The following UBR3 variants were observed in gnomAD, a reference collection of about 807,000 sequenced individuals.
UBR3 encodes E3 ubiquitin-protein ligase UBR3.
In UBR3, 85 loss-of-function variants were observed where a neutral mutation model predicts 243.2. That is an observed-to-expected ratio of 0.35 (90% confidence interval 0.29 to 0.42). The LOEUF is 0.42. UBR3 is among the 10% of genes least tolerant of loss of function. The pLI, the probability that UBR3 is intolerant of heterozygous loss-of-function variation, is 1.00. For synonymous variants in UBR3, 748 were observed against 799.8 expected (o/e 0.94, Z 1.09); for missense variants, 1,686 against 2,300.8 (o/e 0.73, Z 5.47).
At chr2:169,937,401 A>G (rs2086381806) in intron 19 of UBR3, among the ~76,000 whole-genome samples, 1 of 152,106 alleles carries the variant, frequency 6.6e-6, no homozygotes, top group Admixed American at 6.5e-5. Flanking sequence ...TAGATTCTGG[A>G]TATTAGCCCT....
intron 17 of UBR3, 142 bp downstream of exon 17, chr2:169,927,547 C>CTCAA: frequency 1.7e-6 from 1 of 597,452 alleles, no homozygotes; most frequent in South Asian, 2.9e-5. Context: ...CAGTTGTGTG[C>CTCAA]TCAAGTATGT....
chr2:170,072,792 C>G (rs925808894), intron 35 of UBR3, among the ~76,000 whole-genome samples: 2 of 151,860 alleles, frequency 1.3e-5, no homozygotes, highest in Non-Finnish European at 2.9e-5. Context: ...TGTGGTCTTT[C>G]GGTTAAATAA....
chr2:170,014,018 TG>T (rs764385561), intron 29 of UBR3: 1 of 449,248 alleles, frequency 2.2e-6, no homozygotes, highest in Admixed American at 2.4e-5. Context: ...GCCTGAAGGG[TG>T]GAAAATTCCC....
chr2:170,030,127 C>G (rs887178416), intron 31 of UBR3, among the ~76,000 whole-genome samples: 1 of 152,002 alleles, frequency 6.6e-6, no homozygotes, highest in African/African-American at 2.4e-5. Flanking sequence ...TTCAATCTTT[C>G]CTCTTTTTGA....
intron 24 of UBR3, among the ~76,000 whole-genome samples, chr2:169,973,884 T>C (rs2088293969): frequency 2.0e-5 from 3 of 152,210 alleles, no homozygotes; most frequent in Admixed American, 1.3e-4. Context: ...TATACCTAGT[T>C]TGTTGAGGGT....
At position 169,827,581 on chromosome 2, in the gene UBR3, C is replaced by T; in HGVS notation, c.74C>T (p.Ala25Val). ...CCCGAGCTGCCCGCGCCGGGGCTGG[C>T]CCTAGACAAGGCGGCCACCGCCGCG... The part of the protein sequence containing the change: ...SQPELPAPGL[A>V]LDKAATAAHL... Residue 25 changes from alanine (A) to valine (V), a missense_variant, in exon 1 of 39, where the codon GCC becomes GTC. Around this residue, in one of 8 missense-constraint regions of UBR3, gnomAD observed 79 missense variants for 73.2 expected, o/e 1.08. Coordinates refer to ENST00000272793, the MANE Select transcript of UBR3 (RefSeq NM_172070.4). 2 of 1,251,634 alleles carry T rather than the reference C, an allele frequency of 1.6e-6. No homozygotes were observed. The highest frequency in any genetic ancestry group is 2.0e-6 in the Non-Finnish European group (2 of 1,001,346). 77.5% of individuals were successfully genotyped at this position (1,251,634 alleles called of 1,614,324 possible). A position where few individuals can be genotyped will look rare whatever the true frequency, so the allele number is the denominator to read the frequency against.
chr2:170,020,816 CTCT>C (rs1385183249), intron 30 of UBR3, among the ~76,000 whole-genome samples: 112 of 152,152 alleles, frequency 7.4e-4, no homozygotes, highest in Non-Finnish European at 4.1e-4. Flanking sequence ...TTTTATTTTG[CTCT>C]TCATTTTAAA....
At chr2:170,006,852 T>G in intron 27 of UBR3, 138 bp from the exon 28 acceptor site, 1 of 718,754 alleles carries the variant, frequency 1.4e-6, no homozygotes, top group Non-Finnish European at 2.2e-6. Flanking sequence ...AAATGAAGGA[T>G]TTTGTTTATT....
chr2:169,975,629 T>C lies in UBR3; in HGVS notation c.3635-11016T>C, dbSNP rs377417207. 2.3e-4 allele frequency among the ~76,000 whole-genome samples: 35 copies of C among 152,298 alleles called. No homozygotes were observed. The South Asian group carries it at 7.2e-3, about 32-fold the overall frequency. On this transcript the variant is annotated intron_variant, in intron 24 of 38. Coordinates refer to ENST00000272793, the MANE Select transcript of UBR3 (RefSeq NM_172070.4). Reference sequence around the variant, plus strand: ...CTTTGTGTATTTGGGTGCTCTGGCATTGAGTGCATATGTATTTAGAATTGT... The same window carrying C: ...CTTTGTGTATTTGGGTGCTCTGGCACTGAGTGCATATGTATTTAGAATTGT...
intron 35 of UBR3, among the ~76,000 whole-genome samples, chr2:170,064,786 G>A (rs1017395966): frequency 9.2e-5 from 13 of 140,952 alleles, no homozygotes; most frequent in East Asian, 2.0e-4. Context: ...TATTCTTGAC[G>A]TCTTTTTGCT....
intron 1 of UBR3, among the ~76,000 whole-genome samples, chr2:169,843,404 G>A (rs1298451622): frequency 1.1e-4 from 17 of 152,124 alleles, no homozygotes; most frequent in Non-Finnish European, 2.9e-5. Flanking sequence ...AAGCAAAAGG[G>A]GCCTGAGCTA....
chr2:170,011,990 A>C (rs2090098213), intron 29 of UBR3, among the ~76,000 whole-genome samples: 1 of 152,132 alleles, frequency 6.6e-6, no homozygotes, highest in South Asian at 2.1e-4. Context: ...GTCTAGAGAT[A>C]CTGGTGAGTA....
chr2:169,876,051 G>T, intron 3 of UBR3, 102 bp downstream of exon 3: 4 of 924,146 alleles, frequency 4.3e-6, no homozygotes, highest in Non-Finnish European at 4.4e-6. Flanking sequence ...AATTTTCATA[G>T]AATGCTAAAG....
At chr2:169,897,107 C>G (rs1173023830) in intron 8 of UBR3, among the ~76,000 whole-genome samples, 1 of 152,016 alleles carries the variant, frequency 6.6e-6, no homozygotes, top group Non-Finnish European at 1.5e-5. Context: ...CCATAGTGTA[C>G]ATGTCAAAAA....
At chr2:169,927,037 G>T (rs1024263863) in intron 16 of UBR3, 66 bp downstream of exon 16, 10 of 1,502,424 alleles carry the variant, frequency 6.7e-6, no homozygotes, top group Non-Finnish European at 9.0e-6. Context: ...CCTCCCTGTG[G>T]TAGTAACTGG....
At chr2:170,066,759 A>G (rs528728011) in intron 35 of UBR3, among the ~76,000 whole-genome samples, 33 of 152,062 alleles carry the variant, frequency 2.2e-4, no homozygotes, top group African/African-American at 7.7e-4. Context: ...AGGTCAGGAG[A>G]TCGAGACCAT....
At chr2:169,982,009 G>T (rs1274381138) in intron 24 of UBR3, among the ~76,000 whole-genome samples, 2 of 152,118 alleles carry the variant, frequency 1.3e-5, no homozygotes, top group Non-Finnish European at 2.9e-5. Flanking sequence ...AGAAATCAGG[G>T]AACTCTGGTA....
At chr2:169,970,483 C>A (rs572698836) in intron 24 of UBR3, among the ~76,000 whole-genome samples, 1 of 91,494 alleles carries the variant, frequency 1.1e-5, no homozygotes, top group South Asian at 4.5e-4. Flanking sequence ...CCTCCCCCCA[C>A]CCCACAACAG....
chr2:169,989,512 T>C (rs980565140), intron 25 of UBR3, among the ~76,000 whole-genome samples: 6 of 152,204 alleles, frequency 3.9e-5, no homozygotes, highest in Admixed American at 6.5e-5. Flanking sequence ...TAGTAGGAAG[T>C]GATGATTACT....
Sources: allele counts gnomAD v4.1 joint callset (sites outside exome capture counted in the v4.1 genomes callset), GRCh38; gene constraint gnomAD v4.1.1; regional missense constraint gnomAD v4.1.1; transcripts MANE v1.5; gene names NCBI Gene and HGNC (gene_info 2026-07-23, HGNC 2026-07-21).